CTNND2: variants seen among roughly 807,000 people sequenced by gnomAD.
The protein encoded by CTNND2 is catenin delta 2.
A neutral mutation model predicts 144.4 loss-of-function variants in CTNND2; 22 were observed. That is an observed-to-expected ratio of 0.15 (90% confidence interval 0.11 to 0.22). The LOEUF (loss-of-function observed/expected upper bound fraction) is 0.22, where lower values mean the gene tolerates loss of function less well. Among genes scored for constraint, CTNND2 ranks in the 10% least tolerant of loss-of-function variants. The pLI, the probability that CTNND2 is intolerant of heterozygous loss-of-function variation, is 1.00. For synonymous variants in CTNND2, 751 were observed against 695.6 expected (o/e 1.08, Z -1.25); for missense variants, 1,353 against 1,618.8 (o/e 0.84, Z 2.82).
chr5:11,808,145 C>T (rs1792112571), intron 1 of CTNND2, among the ~76,000 whole-genome samples: 1 of 152,212 alleles, frequency 6.6e-6, no homozygotes, highest in Non-Finnish European at 1.5e-5. Context: ...CCACTTCCTT[C>T]CCTGTCCTCA....
intron 9 of CTNND2, among the ~76,000 whole-genome samples, chr5:11,270,172 T>C (rs1312398807): frequency 6.6e-6 from 1 of 152,186 alleles, no homozygotes; most frequent in Non-Finnish European, 1.5e-5. Flanking sequence ...AAAGTGGGGC[T>C]GTTTTTATTT....
At chr5:11,231,841 C>T (rs1315700304) in intron 10 of CTNND2, among the ~76,000 whole-genome samples, 3 of 152,252 alleles carry the variant, frequency 2.0e-5, no homozygotes, top group East Asian at 1.9e-4. Flanking sequence ...CCTCCCTTCA[C>T]AGGCATGGAG....
intron 3 of CTNND2, among the ~76,000 whole-genome samples, chr5:11,448,162 T>G (rs796974103): frequency 6.6e-6 from 1 of 152,206 alleles, no homozygotes; most frequent in Non-Finnish European, 1.5e-5. Context: ...TGCTGTTCAA[T>G]TGTTACTGCT....
chr5:11,142,493 T>C (rs1464609351), intron 12 of CTNND2, among the ~76,000 whole-genome samples: 1 of 152,194 alleles, frequency 6.6e-6, no homozygotes, highest in Non-Finnish European at 1.5e-5. Context: ...AATACTTCCA[T>C]ACCCCTACCT....
intron 12 of CTNND2, among the ~76,000 whole-genome samples, chr5:11,143,378 G>GT (rs1162124500): frequency 6.6e-6 from 1 of 152,138 alleles, no homozygotes; most frequent in Non-Finnish European, 1.5e-5. Flanking sequence ...TGTCTGCAGG[G>GT]TTGGTTCTTT....
intron 2 of CTNND2, among the ~76,000 whole-genome samples, chr5:11,702,407 T>C (rs1196182866): frequency 6.6e-6 from 1 of 152,206 alleles, no homozygotes; most frequent in African/African-American, 2.4e-5. Flanking sequence ...TATAGTTACA[T>C]GGAATACATG....
intron 1 of CTNND2, among the ~76,000 whole-genome samples, chr5:11,784,154 T>C (rs1262656463): frequency 6.6e-6 from 1 of 152,216 alleles, no homozygotes; most frequent in Non-Finnish European, 1.5e-5. Flanking sequence ...AAAGAGCTAT[T>C]GTTGACCTGC....
chr5:11,267,399 T>C (rs1745551386), intron 9 of CTNND2, among the ~76,000 whole-genome samples: 1 of 152,182 alleles, frequency 6.6e-6, no homozygotes, highest in Non-Finnish European at 1.5e-5. Context: ...CTACAGTTTA[T>C]TTTGGATCTG....
intron 2 of CTNND2, among the ~76,000 whole-genome samples, chr5:11,641,863 T>C (rs1782072597): frequency 1.3e-5 from 2 of 151,592 alleles, no homozygotes; most frequent in Admixed American, 1.3e-4. Flanking sequence ...TATACATATA[T>C]ATTTTGCCAC....
At chr5:11,520,345 A>C (rs1020065305) in intron 3 of CTNND2, among the ~76,000 whole-genome samples, 1 of 152,084 alleles carries the variant, frequency 6.6e-6, no homozygotes, top group Non-Finnish European at 1.5e-5. Flanking sequence ...TCCTAAAATC[A>C]ACCTAGATTA....
chr5:11,469,678 C>T (rs138951219), intron 3 of CTNND2, among the ~76,000 whole-genome samples: 46 of 152,302 alleles, frequency 3.0e-4, no homozygotes, highest in African/African-American at 1.1e-3. Flanking sequence ...CTTGTAGATG[C>T]CCACTCAACA....
At position 11,547,209 on chromosome 5, in the gene CTNND2, G is replaced by A. The variant is rs545815369; in HGVS notation, c.287+17735C>T. ...CTTTAACCCTGGAGGCGGAGGTTGC[G>A]GTGAGCCAAGATCACGCCACCGCAC... On this transcript the variant is annotated intron_variant, in intron 3 of 21. Coordinates refer to ENST00000304623, the MANE Select transcript of CTNND2 (RefSeq NM_001332.4). Among the ~76,000 whole-genome samples, 83 of 151,000 alleles carry A rather than the reference G, an allele frequency of 5.5e-4. 1 individual carries two copies. Among genetic ancestry groups the A allele is most frequent in the African/African-American group, 1.8e-3 (74 of 40,964 alleles).
chr5:11,520,465 C>T (rs972901049), intron 3 of CTNND2, among the ~76,000 whole-genome samples: 3 of 152,232 alleles, frequency 2.0e-5, no homozygotes, highest in South Asian at 2.1e-4. Flanking sequence ...AATGCCAAAA[C>T]TCATGGGGGC....
intron 12 of CTNND2, among the ~76,000 whole-genome samples, chr5:11,153,579 A>C (rs1757945770): frequency 6.6e-6 from 1 of 152,206 alleles, no homozygotes; most frequent in South Asian, 2.1e-4. Flanking sequence ...CTAGAATTAG[A>C]GGCACCGTGG....
chr5:11,189,497 A>T (rs40405), intron 11 of CTNND2, among the ~76,000 whole-genome samples: 19,597 of 152,170 alleles, frequency 0.13, 2,660 homozygotes, highest in African/African-American at 0.34. Flanking sequence ...CCTTATGAGG[A>T]TCCACTCTTA....
intron 1 of CTNND2, among the ~76,000 whole-genome samples, chr5:11,770,700 T>C (rs568863717): frequency 6.6e-6 from 1 of 152,216 alleles, no homozygotes; most frequent in Admixed American, 6.5e-5. Flanking sequence ...CTGTTGGATT[T>C]GGGGCGCAAA....
At chr5:11,874,601 C>G (rs1309577145) in intron 1 of CTNND2, among the ~76,000 whole-genome samples, 1 of 152,128 alleles carries the variant, frequency 6.6e-6, no homozygotes, top group Non-Finnish European at 1.5e-5. Context: ...GGAGCAGAGA[C>G]AGCATGCATT....
intron 1 of CTNND2, among the ~76,000 whole-genome samples, chr5:11,885,078 G>A (rs908910137): frequency 6.6e-6 from 1 of 152,068 alleles, no homozygotes; most frequent in African/African-American, 2.4e-5. Context: ...TTCTGTTGAG[G>A]ATTTTTACAT....
At chr5:11,663,025 G>A (rs1024059066) in intron 2 of CTNND2, among the ~76,000 whole-genome samples, 1 of 152,210 alleles carries the variant, frequency 6.6e-6, no homozygotes, top group East Asian at 1.9e-4. Context: ...AGAATGAGAA[G>A]TGAGGAAGGC....
Sources: gnomAD v4.1 joint callset for allele counts (sites outside exome capture counted in the v4.1 genomes callset) on GRCh38, gnomAD v4.1.1 for gene constraint, MANE v1.5 for transcripts, NCBI Gene and HGNC (gene_info 2026-07-23, HGNC 2026-07-21) for gene names.